CACNA1C: variants seen among roughly 807,000 people sequenced by gnomAD.
CACNA1C encodes the protein calcium voltage-gated channel subunit alpha1 C, also known as voltage-dependent L-type calcium channel subunit alpha-1C.
CACNA1C carries 30 observed loss-of-function variants against 229.0 expected under a neutral mutation model. The observed-to-expected ratio is 0.13, with a 90% CI of 0.10 to 0.18. CACNA1C has a LOEUF of 0.18. Among genes scored for constraint, CACNA1C ranks in the 10% least tolerant of loss-of-function variants. CACNA1C has a pLI of 1.00. For synonymous variants in CACNA1C, 1,114 were observed against 1,132.5 expected, an observed-to-expected ratio of 0.98 and a Z score of 0.33; for missense variants, 1,658 against 2,845.0, an observed-to-expected ratio of 0.58 and a Z score of 9.49.
chr12:2,032,376 G>T (rs1241544828), intron 1 of CACNA1C, among the ~76,000 whole-genome samples: 1 of 152,188 alleles, frequency 6.6e-6, no homozygotes. Context: ...CCGGCCAGGA[G>T]GCTCAAGCCC....
chr12:2,623,746 A>T (rs2084680065), intron 29 of CACNA1C, among the ~76,000 whole-genome samples: 1 of 152,160 alleles, frequency 6.6e-6, no homozygotes, highest in South Asian at 2.1e-4. Context: ...CCAACGGAAG[A>T]CAAGACAGGC....
At chr12:2,335,285 C>T (rs1413694323) in intron 3 of CACNA1C, among the ~76,000 whole-genome samples, 1 of 152,180 alleles carries the variant, frequency 6.6e-6, no homozygotes, top group Non-Finnish European at 1.5e-5. Flanking sequence ...TTCCGCCATG[C>T]CTGCAGGCTC....
At chr12:2,559,528 C>G (rs2046358343) in intron 11 of CACNA1C, among the ~76,000 whole-genome samples, 1 of 152,280 alleles carries the variant, frequency 6.6e-6, no homozygotes, top group African/African-American at 2.4e-5. Context: ...GGAAGGCCTT[C>G]TCCTTCTGCA....
At chr12:2,317,289 C>G (rs2095744791) in intron 3 of CACNA1C, among the ~76,000 whole-genome samples, 1 of 152,136 alleles carries the variant, frequency 6.6e-6, no homozygotes, top group Admixed American at 6.5e-5. Flanking sequence ...AATGGATAAG[C>G]AAAATGTGAA....
chr12:2,160,411 G>C (rs1004738895), intron 3 of CACNA1C, among the ~76,000 whole-genome samples: 1 of 152,214 alleles, frequency 6.6e-6, no homozygotes, highest in African/African-American at 2.4e-5. Context: ...CTGCCACCCT[G>C]CATCCTCAGA....
intron 3 of CACNA1C, among the ~76,000 whole-genome samples, chr12:2,187,014 C>A (rs112672187): frequency 6.6e-6 from 1 of 152,168 alleles, no homozygotes; most frequent in Admixed American, 6.5e-5. Context: ...CCTGCTGCCC[C>A]CTTGCCTGTC....
chr12:2,129,671 A>G (rs1464038560), intron 3 of CACNA1C, among the ~76,000 whole-genome samples: 1 of 152,196 alleles, frequency 6.6e-6, no homozygotes, highest in African/African-American at 2.4e-5. Context: ...GGACTATACA[A>G]TTCTTAGGAA....
At chr12:2,030,492 T>C (rs1594039546) in intron 1 of CACNA1C, among the ~76,000 whole-genome samples, 1 of 152,304 alleles carries the variant, frequency 6.6e-6, no homozygotes, top group East Asian at 1.9e-4. Flanking sequence ...TTGTCTTTAT[T>C]TGGGCTGTGC....
At chr12:2,450,519 A>G (rs533208265) in intron 4 of CACNA1C, among the ~76,000 whole-genome samples, 7 of 121,330 alleles carry the variant, frequency 5.8e-5, no homozygotes, top group African/African-American at 2.1e-4. Flanking sequence ...ATGCCACTGC[A>G]CTCCAGCCTG....
intron 4 of CACNA1C, among the ~76,000 whole-genome samples, chr12:2,455,532 A>G (rs150000863): frequency 1.1e-3 from 170 of 152,296 alleles, no homozygotes; most frequent in African/African-American, 3.6e-3. Flanking sequence ...TGTGGCTCCT[A>G]GCAAAGGTAA....
At chr12:2,662,249 A>AT (rs1260393611) in intron 34 of CACNA1C, among the ~76,000 whole-genome samples, 1 of 151,422 alleles carries the variant, frequency 6.6e-6, no homozygotes, top group Non-Finnish European at 1.5e-5. Context: ...CTCAAAAAAA[A>AT]AAAACAAGAC....
intron 9 of CACNA1C, among the ~76,000 whole-genome samples, chr12:2,537,755 T>A (rs1462190331): frequency 2.0e-5 from 3 of 152,204 alleles, no homozygotes; most frequent in Non-Finnish European, 4.4e-5. Flanking sequence ...CCCTGTCCCA[T>A]CCCTAATGGT....
chr12:2,100,620 G>A (rs1465580207), intron 1 of CACNA1C, among the ~76,000 whole-genome samples: 1 of 149,846 alleles, frequency 6.7e-6, no homozygotes, highest in Non-Finnish European at 1.5e-5. Flanking sequence ...AGCTGGGCAC[G>A]GTGACTCATG....
chr12:2,536,231 T>C (rs2099854870), intron 9 of CACNA1C, among the ~76,000 whole-genome samples: 2 of 151,960 alleles, frequency 1.3e-5, no homozygotes, highest in African/African-American at 4.8e-5. Context: ...AGAGAGAAAA[T>C]GAGAACAAAT....
chr12:2,018,447 A>G (rs10848603), intron 1 of CACNA1C, among the ~76,000 whole-genome samples: 22,409 of 152,198 alleles, frequency 0.15, 1,818 homozygotes, highest in East Asian at 0.21. Flanking sequence ...AAATTTAACA[A>G]TATTCTCTCA....
chr12:2,599,645 A>T (rs543352411), intron 21 of CACNA1C, among the ~76,000 whole-genome samples: 1 of 152,294 alleles, frequency 6.6e-6, no homozygotes, highest in South Asian at 2.1e-4. Context: ...CTCAGGATGG[A>T]AACACCCCAG....
At chr12:2,241,485 C>A (rs1030913818) in intron 3 of CACNA1C, among the ~76,000 whole-genome samples, 2 of 152,080 alleles carry the variant, frequency 1.3e-5, no homozygotes, top group African/African-American at 4.8e-5. Context: ...AATTGCAAAA[C>A]GTGTGCAGCC....
At chr12:2,370,812 G>A (rs953914375) in intron 3 of CACNA1C, among the ~76,000 whole-genome samples, 1 of 152,168 alleles carries the variant, frequency 6.6e-6, no homozygotes, top group African/African-American at 2.4e-5. Context: ...ACTGCCCCAG[G>A]CTTGGTGTTG....
chr12:2,024,388 G>T (rs977893731), intron 1 of CACNA1C, among the ~76,000 whole-genome samples: 6 of 152,162 alleles, frequency 3.9e-5, no homozygotes, highest in Non-Finnish European at 8.8e-5. Flanking sequence ...TGAATTTAAG[G>T]GGGGTAGACA....
Sources: allele counts gnomAD v4.1 joint callset (sites outside exome capture counted in the v4.1 genomes callset), GRCh38; gene constraint gnomAD v4.1.1; transcripts MANE v1.5; gene names NCBI Gene and HGNC (gene_info 2026-07-23, HGNC 2026-07-21).